AUH: variants seen among roughly 807,000 people sequenced by gnomAD.
AUH encodes the protein AU RNA binding methylglutaconyl-CoA hydratase.
In AUH, 29 loss-of-function variants were observed where a neutral mutation model predicts 42.3. The ratio of observed to expected loss-of-function variants is 0.69; its 90% CI spans 0.51 to 0.93. AUH has a LOEUF of 0.93. Ranked by LOEUF, AUH falls within the 40% of genes least tolerant of loss-of-function variation. AUH has a pLI of 0.00. For missense variants in AUH, 452 were observed against 438.1 expected (o/e 1.03, Z -0.28); for synonymous variants, 174 against 166.4 (o/e 1.05, Z -0.35).
At chr9:91,273,249 A>T (rs1825295008) in intron 6 of AUH, among the ~76,000 whole-genome samples, 1 of 152,148 alleles carries the variant, frequency 6.6e-6, no homozygotes, top group African/African-American at 2.4e-5. Flanking sequence ...GAGATTTGGA[A>T]AGGGGGATTA....
chr9:91,254,920 T>G (rs1829328542), intron 6 of AUH, among the ~76,000 whole-genome samples: 1 of 152,066 alleles, frequency 6.6e-6, no homozygotes, highest in Admixed American at 6.5e-5. Flanking sequence ...GACATAAAAC[T>G]AAGAGACAAT....
At chr9:91,345,977 A>T (rs1053926197) in intron 3 of AUH, among the ~76,000 whole-genome samples, 1 of 152,166 alleles carries the variant, frequency 6.6e-6, no homozygotes, top group African/African-American at 2.4e-5. Context: ...AAAATGCAAC[A>T]AAACAAAAAC....
At chr9:91,306,347 A>T (rs2131722184) in intron 4 of AUH, 1 of 985,072 alleles carries the variant, frequency 1.0e-6, no homozygotes, top group East Asian at 1.1e-4. Flanking sequence ...CTGAGTGATG[A>T]CTTCTGTTGA....
At position 91,244,086 on chromosome 9, in the gene AUH, A is replaced by C. The variant is rs575583210; in HGVS notation, c.656-23094T>G. Among the ~76,000 whole-genome samples, 15 of 152,346 alleles carry C rather than the reference A, an allele frequency of 9.8e-5. No individual in the cohort carries two copies. The South Asian group carries it at 1.2e-3, about 13-fold the overall frequency. On this transcript the variant is annotated intron_variant, in intron 6 of 9. Transcript: ENST00000375731. The stretch of plus-strand genomic sequence containing the variant: ...AGACATATCTCAAGAAAAACAAAAC[A>C]AAACCAAACGATCTTTCCCTCCCAT...
intron 6 of AUH, among the ~76,000 whole-genome samples, chr9:91,273,357 C>T (rs936032887): frequency 2.0e-5 from 3 of 151,810 alleles, no homozygotes; most frequent in African/African-American, 7.3e-5. Flanking sequence ...GTATAAACAT[C>T]AAAGAGAAAA....
At chr9:91,305,046 A>G (rs779722650) in intron 4 of AUH, among the ~76,000 whole-genome samples, 24 of 152,246 alleles carry the variant, frequency 1.6e-4, no homozygotes, top group Admixed American at 8.5e-4. Context: ...TTATTTTAAT[A>G]CCATACTAGG....
chr9:91,241,429 A>C (rs1828511169), intron 6 of AUH, among the ~76,000 whole-genome samples: 1 of 152,146 alleles, frequency 6.6e-6, no homozygotes, highest in South Asian at 2.1e-4. Flanking sequence ...ATTGATTTAA[A>C]GTCATATTAG....
At position 91,247,259 on chromosome 9, in the gene AUH, AGTGCTACT is replaced by A. The variant is rs540254561; in HGVS notation, c.656-26275_656-26268del. 1.2e-4 allele frequency among the ~76,000 whole-genome samples: 19 copies of A among 152,274 alleles called. No homozygotes were observed. In the East Asian group the frequency reaches 3.1e-3, roughly 25 times the overall value. On this transcript the variant is annotated intron_variant, in intron 6 of 9. Coordinates refer to ENST00000375731, the MANE Select transcript of AUH (RefSeq NM_001698.3). ...CAGAGACCCATCAACTTCAACCGATAGTGCTACTCTGCAAGAGGGTAAGGGGGGCAGCT... is the reference window on the plus strand; with the variant it reads ...CAGAGACCCATCAACTTCAACCGATACTGCAAGAGGGTAAGGGGGGCAGCT...
chr9:91,223,788 C>T (rs1827273355), intron 6 of AUH, among the ~76,000 whole-genome samples: 1 of 152,102 alleles, frequency 6.6e-6, no homozygotes, highest in Admixed American at 6.5e-5. Context: ...TTGAAACCCA[C>T]CCAATAGTCC....
At chr9:91,216,463 C>T (rs1318728073) in intron 8 of AUH, among the ~76,000 whole-genome samples, 1 of 150,352 alleles carries the variant, frequency 6.7e-6, no homozygotes, top group Non-Finnish European at 1.5e-5. Context: ...CACACACACA[C>T]GATGCTTAAT....
At chr9:91,325,169 T>C in intron 4 of AUH, 149 bp downstream of exon 4, 1 of 546,748 alleles carries the variant, frequency 1.8e-6, no homozygotes, top group Non-Finnish European at 3.2e-6. Context: ...TCAAATTAAA[T>C]ATATTAAGTG....
chr9:91,267,712 A>G (rs1196478543), intron 6 of AUH, among the ~76,000 whole-genome samples: 2 of 152,132 alleles, frequency 1.3e-5, no homozygotes, highest in Admixed American at 6.5e-5. Flanking sequence ...TCGGTCTATG[A>G]TTCAGAAACA....
chr9:91,343,852 C>A (rs1198098160), intron 3 of AUH, among the ~76,000 whole-genome samples: 1 of 152,106 alleles, frequency 6.6e-6, no homozygotes, highest in East Asian at 1.9e-4. Flanking sequence ...ACACAAATTA[C>A]CAAAACTCAC....
chr9:91,221,973 A>C (rs1827160425), intron 6 of AUH, among the ~76,000 whole-genome samples: 1 of 152,128 alleles, frequency 6.6e-6, no homozygotes, highest in Admixed American at 6.5e-5. Context: ...CCTAAATCTC[A>C]CCCTATCAAT....
chr9:91,325,364 T>C lies in AUH; in HGVS notation c.459A>G (p.Glu153=). The change falls in exon 4 of 10, where the codon GAA becomes GAG. Residue 153 remains glutamate (E), a synonymous_variant. Coordinates refer to ENST00000375731, the MANE Select transcript of AUH (RefSeq NM_001698.3). The stretch of plus-strand genomic sequence containing the variant: ...TTATTTTGGAGACAAAAGGACCAAC[T>C]TCACTGGAACTCATTTTGGCTCTTT... ...LKERAKMSSS[E]VGPFVSKIRA... is the part of the protein sequence containing the mutation. The C allele has an allele frequency of 6.2e-7, 1 of 1,613,906 alleles. No homozygotes were observed. The highest frequency in any genetic ancestry group is 8.5e-7 in the Non-Finnish European group (1 of 1,179,882).
Position 91,240,126 on chromosome 9 carries a change from T to C in AUH, c.656-19134A>G, listed in dbSNP as rs1203549466. Among the ~76,000 whole-genome samples the C allele has an allele frequency of 3.3e-5, 5 of 152,316 alleles. No individual in the cohort carries two copies. The East Asian group carries it at 7.7e-4, about 23-fold the overall frequency. ...TTACATGCACCTTTAAAAACAAATA[T>C]TTGCTGATACATTGTGATATCTTTT... On this transcript the variant is annotated intron_variant, in intron 6 of 9. Transcript: ENST00000375731.
intron 6 of AUH, among the ~76,000 whole-genome samples, chr9:91,260,439 A>T (rs891725129): frequency 2.6e-5 from 4 of 152,012 alleles, no homozygotes; most frequent in Admixed American, 1.3e-4. Context: ...GAGTGTTTTT[A>T]GTATTCCATT....
chr9:91,221,191 A>T (rs1207424806), intron 6 of AUH, among the ~76,000 whole-genome samples, 199 bp from the exon 7 acceptor site: 1 of 152,250 alleles, frequency 6.6e-6, no homozygotes, highest in African/African-American at 2.4e-5. Flanking sequence ...AAAGGACTTG[A>T]GAACCTTACA....
chr9:91,218,514 G>T, intron 7 of AUH: 1 of 623,598 alleles, frequency 1.6e-6, no homozygotes, highest in Non-Finnish European at 2.0e-6. Context: ...GGACTCAGTG[G>T]GTCTGAGATG....
Sources: gnomAD v4.1 joint callset for allele counts (sites outside exome capture counted in the v4.1 genomes callset) on GRCh38, gnomAD v4.1.1 for gene constraint, MANE v1.5 for transcripts, NCBI Gene and HGNC (gene_info 2026-07-23, HGNC 2026-07-21) for gene names.